Variants in PALLD observed in about 807,000 individuals in gnomAD.
PALLD encodes the protein palladin.
In PALLD, 61 loss-of-function variants were observed where a neutral mutation model predicts 123.5. That is an observed-to-expected ratio of 0.49 (90% CI 0.40 to 0.61). PALLD has a LOEUF of 0.61. Ranked by LOEUF, PALLD falls within the 20% of genes least tolerant of loss-of-function variation. The probability of loss-of-function intolerance (pLI) is 0.00; values close to 1 mark genes in which losing one functional copy is unlikely to be tolerated. For synonymous variants in PALLD, 465 were observed against 496.4 expected (o/e 0.94, Z 0.84); for missense variants, 1,273 against 1,377.0 (o/e 0.92, Z 1.20).
intron 10 of PALLD, among the ~76,000 whole-genome samples, chr4:168,881,616 A>C (rs1375158075): frequency 6.6e-6 from 1 of 151,968 alleles, no homozygotes; most frequent in Non-Finnish European, 1.5e-5. Context: ...TACTGGGGTC[A>C]CTGGCAAAAT....
At chr4:168,576,231 T>C (rs1769565063) in intron 2 of PALLD, among the ~76,000 whole-genome samples, 1 of 151,940 alleles carries the variant, frequency 6.6e-6, no homozygotes, top group Admixed American at 6.6e-5. Flanking sequence ...AGCATTTTCT[T>C]TTTTTTTCTT....
In PALLD at chr4:168,761,484, C is replaced by T. The variant is rs538568732; in HGVS notation, c.1964+49561C>T. Among the ~76,000 whole-genome samples the T allele has an allele frequency of 2.1e-4, 32 of 151,870 alleles. No individual in the cohort carries two copies. In the South Asian group the frequency reaches 2.5e-3, roughly 12 times the overall value. On this transcript the variant is annotated intron_variant, in intron 10 of 21. Coordinates refer to ENST00000505667, the MANE Select transcript of PALLD (RefSeq NM_001166108.2). ...GGCTTTGGGAATTTTTTTTCTGAGA[C>T]GAGTCTCTCTCCGTCACCCAGGCTG...
In PALLD at chr4:168,924,958, A is replaced by T; in HGVS notation, c.3238A>T (p.Asn1080Tyr). The T allele has an allele frequency of 6.2e-7, 1 of 1,614,168 alleles. No homozygotes were observed. Among genetic ancestry groups the T allele is most frequent in the Non-Finnish European group, 8.5e-7 (1 of 1,180,008 alleles). ...CCTTTTCTCCAGCATGCACCAGGAC[A>T]ACCACGGCTACATCTGCCTGCTCAT... ...STDRVSMHQD[N>Y]HGYICLLIQG... is the part of the protein sequence containing the mutation. The change falls in exon 20 of 22, where the codon AAC becomes TAC. Residue 1080 changes from asparagine (N) to tyrosine (Y), a missense_variant. Transcript: ENST00000505667.
At chr4:168,733,037 C>T (rs1787335341) in intron 10 of PALLD, among the ~76,000 whole-genome samples, 1 of 152,030 alleles carries the variant, frequency 6.6e-6, no homozygotes, top group African/African-American at 2.4e-5. Context: ...AGCATAGGTT[C>T]TTGGTATCTT....
intron 2 of PALLD, among the ~76,000 whole-genome samples, chr4:168,614,083 C>T (rs939581294): frequency 7.9e-5 from 12 of 152,252 alleles, no homozygotes; most frequent in East Asian, 1.9e-4. Flanking sequence ...CTGTGGATGG[C>T]GCCTTCACTT....
At chr4:168,794,397 G>A (rs1326143146) in intron 10 of PALLD, among the ~76,000 whole-genome samples, 1 of 152,164 alleles carries the variant, frequency 6.6e-6, no homozygotes, top group Non-Finnish European at 1.5e-5. Context: ...CCCCCAGGGT[G>A]GAAGACACAA....
chr4:168,704,925 A>T (rs2150177423), intron 8 of PALLD, among the ~76,000 whole-genome samples: 1 of 152,252 alleles, frequency 6.6e-6, no homozygotes, highest in East Asian at 1.9e-4. Context: ...TCAATTTTTT[A>T]AAATACTGCA....
intron 10 of PALLD, among the ~76,000 whole-genome samples, chr4:168,775,956 A>C (rs2150524716): frequency 6.6e-6 from 1 of 152,326 alleles, no homozygotes; most frequent in East Asian, 1.9e-4. Context: ...TCTTAAAATC[A>C]GATGATGTTA....
At chr4:168,841,713 T>A (rs1316628103) in intron 10 of PALLD, among the ~76,000 whole-genome samples, 1 of 152,200 alleles carries the variant, frequency 6.6e-6, no homozygotes, top group East Asian at 1.9e-4. Flanking sequence ...GGAGCTCAGT[T>A]TTCCTATGTG....
chr4:168,925,259 C>A lies in PALLD; in HGVS notation c.*13C>A. The A allele has an allele frequency of 6.2e-7, 1 of 1,607,160 alleles. No homozygotes were observed. The highest frequency in any genetic ancestry group is 1.3e-5 in the African/African-American group (1 of 74,894). ...TTCTCGACATTAATAGTGAACCACA[C>A]CAGGAGAACAAATACCCAAGTATCA... On this transcript the variant is annotated 3_prime_UTR_variant, in exon 21 of 22. Coordinates refer to ENST00000505667, the MANE Select transcript of PALLD (RefSeq NM_001166108.2).
intron 10 of PALLD, among the ~76,000 whole-genome samples, chr4:168,719,146 C>A (rs901783177): frequency 1.3e-5 from 2 of 151,652 alleles, no homozygotes; most frequent in African/African-American, 2.4e-5. Context: ...GACCTCGTGA[C>A]CCACCCGTCT....
intron 2 of PALLD, among the ~76,000 whole-genome samples, chr4:168,604,583 G>A (rs1434471541): frequency 6.6e-6 from 1 of 152,176 alleles, no homozygotes; most frequent in Non-Finnish European, 1.5e-5. Context: ...GACACAAAGA[G>A]CATATGTCTA....
chr4:168,926,297 G>T lies in PALLD; in HGVS notation c.*117G>T. ...CGCTATGCAGCACTTTCGGACCAGG[G>T]ACTAGACATCAAAGCAGCGTTCCAA... On this transcript the variant is annotated 3_prime_UTR_variant, in exon 22 of 22. Coordinates refer to ENST00000505667, the MANE Select transcript of PALLD (RefSeq NM_001166108.2). 2 of 1,537,268 alleles carry T rather than the reference G, an allele frequency of 1.3e-6. No homozygotes were observed. Among genetic ancestry groups the T allele is most frequent in the South Asian group, 2.4e-5 (2 of 84,050 alleles).
intron 2 of PALLD, among the ~76,000 whole-genome samples, chr4:168,616,750 A>G (rs903550308): frequency 2.6e-5 from 4 of 152,196 alleles, no homozygotes; most frequent in Admixed American, 6.5e-5. Flanking sequence ...GGCTCCAGGA[A>G]TCTGAATTTT....
rs1321039915 is a variant in PALLD, at chr4:168,925,260, C to A, written c.*14C>A. Reference sequence around the variant, plus strand: ...TCTCGACATTAATAGTGAACCACACCAGGAGAACAAATACCCAAGTATCAT... The same window carrying A: ...TCTCGACATTAATAGTGAACCACACAAGGAGAACAAATACCCAAGTATCAT... On this transcript the variant is annotated 3_prime_UTR_variant, in exon 21 of 22. Transcript: ENST00000505667. 12 of 1,607,066 alleles carry A rather than the reference C, an allele frequency of 7.5e-6. No homozygotes were observed. The highest frequency in any genetic ancestry group is 1.0e-5 in the Non-Finnish European group (12 of 1,173,716).
chr4:168,550,086 G>T (rs1337916819), intron 2 of PALLD, among the ~76,000 whole-genome samples: 5 of 152,080 alleles, frequency 3.3e-5, no homozygotes, highest in African/African-American at 1.2e-4. Flanking sequence ...GGAAATTAAT[G>T]CCAGGTTCAT....
intron 2 of PALLD, among the ~76,000 whole-genome samples, chr4:168,579,650 T>C (rs370855490): frequency 8.5e-5 from 13 of 152,128 alleles, no homozygotes; most frequent in East Asian, 1.9e-4. Flanking sequence ...ATTGTGAAGA[T>C]GACTCTTCGG....
intron 2 of PALLD, among the ~76,000 whole-genome samples, chr4:168,594,386 A>G (rs1771769534): frequency 1.3e-5 from 2 of 152,196 alleles, no homozygotes; most frequent in Non-Finnish European, 2.9e-5. Context: ...TTTAGTTCCT[A>G]GACAGAGACA....
At chr4:168,877,844 G>A (rs1031973523) in intron 10 of PALLD, 14 of 1,344,962 alleles carry the variant, frequency 1.0e-5, no homozygotes, top group Non-Finnish European at 1.2e-5. Flanking sequence ...GCCGCCGCCC[G>A]CCTTCCCCGA....
Sources: allele counts gnomAD v4.1 joint callset (sites outside exome capture counted in the v4.1 genomes callset), GRCh38; gene constraint gnomAD v4.1.1; transcripts MANE v1.5; gene names NCBI Gene and HGNC (gene_info 2026-07-23, HGNC 2026-07-21).